Variants in MAP4K4 observed in about 807,000 individuals in gnomAD.
MAP4K4 encodes the protein mitogen-activated protein kinase kinase kinase kinase 4, also known as HPK/GCK-like kinase HGK.
In MAP4K4, 38 loss-of-function variants were observed where a neutral mutation model predicts 189.6. The observed-to-expected ratio is 0.20, with a 90% CI of 0.15 to 0.26. MAP4K4 has a LOEUF of 0.26. MAP4K4 is among the 10% of genes least tolerant of loss of function. The probability of loss-of-function intolerance (pLI) is 1.00; values close to 1 mark genes in which losing one functional copy is unlikely to be tolerated. For missense variants in MAP4K4, 1,054 were observed against 1,726.9 expected, an observed-to-expected ratio of 0.61 and a Z score of 6.91; for synonymous variants, 610 against 624.3, an observed-to-expected ratio of 0.98 and a Z score of 0.34.
At chr2:101,728,213 A>G (rs927367475) in intron 2 of MAP4K4, among the ~76,000 whole-genome samples, 1 of 152,136 alleles carries the variant, frequency 6.6e-6, no homozygotes, top group Non-Finnish European at 1.5e-5. Flanking sequence ...TGCTAGCAAG[A>G]TTTTTATCAG....
intron 2 of MAP4K4, among the ~76,000 whole-genome samples, chr2:101,767,689 C>T (rs933174187): frequency 6.6e-6 from 1 of 152,182 alleles, no homozygotes; most frequent in Non-Finnish European, 1.5e-5. Context: ...AGGCAGAGTT[C>T]ATGCACTGCT....
chr2:101,887,259 A>C (rs758884817), intron 30 of MAP4K4, 22 bp downstream of exon 30: 24 of 1,590,190 alleles, frequency 1.5e-5, no homozygotes, highest in East Asian at 2.3e-5. Context: ...CCCACACTCT[A>C]TGGTTGGTTG....
chr2:101,889,430 C>T (rs979681684), intron 32 of MAP4K4, among the ~76,000 whole-genome samples: 3 of 152,096 alleles, frequency 2.0e-5, no homozygotes, highest in Non-Finnish European at 4.4e-5. Context: ...CATAACATAC[C>T]TCCTGCACCA....
chr2:101,760,957 C>A (rs1176621117), intron 2 of MAP4K4, among the ~76,000 whole-genome samples: 2 of 152,046 alleles, frequency 1.3e-5, no homozygotes, highest in African/African-American at 2.4e-5. Flanking sequence ...GAACTGAGAT[C>A]GCGCCATTGC....
At chr2:101,785,139 G>A (rs2089986982) in intron 2 of MAP4K4, among the ~76,000 whole-genome samples, 1 of 152,160 alleles carries the variant, frequency 6.6e-6, no homozygotes, top group Non-Finnish European at 1.5e-5. Flanking sequence ...GAAGGCATTT[G>A]TTATTCCTAA....
intron 3 of MAP4K4, chr2:101,797,288 A>G (rs1386307103): frequency 7.7e-7 from 1 of 1,290,680 alleles, no homozygotes; most frequent in Middle Eastern, 2.1e-4. Flanking sequence ...ACAGCTTCGT[A>G]CTGGCTTCTT....
At chr2:101,702,090 G>A (rs1382948350) in intron 2 of MAP4K4, among the ~76,000 whole-genome samples, 1 of 151,990 alleles carries the variant, frequency 6.6e-6, no homozygotes, top group East Asian at 1.9e-4. Flanking sequence ...TGAACTCCTG[G>A]CCTCAAGTGA....
chr2:101,744,627 G>A (rs966216855), intron 2 of MAP4K4, among the ~76,000 whole-genome samples: 1 of 151,970 alleles, frequency 6.6e-6, no homozygotes, highest in Admixed American at 6.6e-5. Context: ...TGGGGCCAGC[G>A]TACCTCACTG....
At chr2:101,775,275 C>G (rs2083474839) in intron 2 of MAP4K4, among the ~76,000 whole-genome samples, 1 of 151,670 alleles carries the variant, frequency 6.6e-6, no homozygotes, top group Non-Finnish European at 1.5e-5. Flanking sequence ...GAAGCCTTAT[C>G]CATCACAGAG....
At chr2:101,776,361 C>T (rs937050800) in intron 2 of MAP4K4, among the ~76,000 whole-genome samples, 5 of 152,030 alleles carry the variant, frequency 3.3e-5, no homozygotes, top group Admixed American at 6.6e-5. Context: ...GCATTCTGAG[C>T]GATAAGGCCT....
At chr2:101,784,827 G>C (rs532176776) in intron 2 of MAP4K4, among the ~76,000 whole-genome samples, 22 of 152,258 alleles carry the variant, frequency 1.4e-4, no homozygotes, top group African/African-American at 5.3e-4. Context: ...TTTTGTTCCA[G>C]GTCCACAGCC....
chr2:101,860,768 A>C (rs555818905), intron 15 of MAP4K4, 57 bp from the exon 16 acceptor site: 1 of 1,390,068 alleles, frequency 7.2e-7, no homozygotes, highest in South Asian at 1.4e-5. Flanking sequence ...ACTTTCTTTG[A>C]TATTTCTGCT....
At chr2:101,759,062 G>A (rs2074394452) in intron 2 of MAP4K4, among the ~76,000 whole-genome samples, 2 of 151,928 alleles carry the variant, frequency 1.3e-5, no homozygotes, top group African/African-American at 2.4e-5. Context: ...AAACCCGGGA[G>A]GCGGAGCTTG....
intron 2 of MAP4K4, among the ~76,000 whole-genome samples, chr2:101,728,625 T>C (rs1240369697): frequency 1.3e-5 from 2 of 152,152 alleles, no homozygotes; most frequent in Admixed American, 1.3e-4. Flanking sequence ...TTCGAGCAGT[T>C]CTTCTGCCTC....
intron 2 of MAP4K4, among the ~76,000 whole-genome samples, chr2:101,705,616 G>A (rs377113999): frequency 6.6e-6 from 1 of 152,192 alleles, no homozygotes; most frequent in Non-Finnish European, 1.5e-5. Flanking sequence ...TCAAATTGCT[G>A]TAAAAGTTTT....
At chr2:101,887,994 C>T (rs2098511527) in intron 31 of MAP4K4, 57 bp downstream of exon 31, 1 of 1,453,678 alleles carries the variant, frequency 6.9e-7, no homozygotes, top group Non-Finnish European at 9.3e-7. Flanking sequence ...GTCTGAGACT[C>T]CATTTATTTA....
At chr2:101,870,439 A>G (rs781686839) in intron 23 of MAP4K4, 24 bp downstream of exon 23, 61 of 1,612,212 alleles carry the variant, frequency 3.8e-5, no homozygotes, top group Non-Finnish European at 5.1e-5. Flanking sequence ...CTCTGTTGTC[A>G]GAGGCTGAGC....
At chr2:101,854,038 C>T (rs1377496185) in intron 12 of MAP4K4, among the ~76,000 whole-genome samples, 2 of 152,138 alleles carry the variant, frequency 1.3e-5, no homozygotes, top group Non-Finnish European at 2.9e-5. Context: ...CTTCTCTCTT[C>T]CTCAAGAAGC....
At chr2:101,739,419 G>A (rs1035425603) in intron 2 of MAP4K4, among the ~76,000 whole-genome samples, 2 of 151,906 alleles carry the variant, frequency 1.3e-5, no homozygotes, top group African/African-American at 4.8e-5. Flanking sequence ...TAATTCTAAA[G>A]CTTCTATTTA....
Sources: allele counts gnomAD v4.1 joint callset (sites outside exome capture counted in the v4.1 genomes callset), GRCh38; gene constraint gnomAD v4.1.1; transcripts MANE v1.5; gene names NCBI Gene and HGNC (gene_info 2026-07-23, HGNC 2026-07-21).